CDH20: variants seen among roughly 807,000 people sequenced by gnomAD.
CDH20 encodes cadherin 20.
A neutral mutation model predicts 74.2 loss-of-function variants in CDH20; 29 were observed. The observed-to-expected ratio is 0.39, with a 90% CI of 0.29 to 0.53. The LOEUF is 0.53. CDH20 is among the 20% of genes least tolerant of loss of function. CDH20 has a pLI of 0.69. For synonymous variants in CDH20, 469 were observed against 405.4 expected (o/e 1.16, Z -1.88); for missense variants, 988 against 1,048.3 (o/e 0.94, Z 0.79).
At chr18:61,451,805 C>A (rs1365604651) in intron 1 of CDH20, among the ~76,000 whole-genome samples, 3 of 151,916 alleles carry the variant, frequency 2.0e-5, no homozygotes, top group Non-Finnish European at 2.9e-5. Flanking sequence ...AGTTTACATA[C>A]TTTTTCAGAG....
chr18:61,520,969 T>G (rs1359241392), intron 6 of CDH20, among the ~76,000 whole-genome samples: 3 of 151,058 alleles, frequency 2.0e-5, no homozygotes, highest in Non-Finnish European at 4.4e-5. Flanking sequence ...CAGGAGAAAG[T>G]GGGAAAGATC....
At chr18:61,346,558 A>C (rs1290159553) in intron 1 of CDH20, among the ~76,000 whole-genome samples, 1 of 152,222 alleles carries the variant, frequency 6.6e-6, no homozygotes, top group Non-Finnish European at 1.5e-5. Flanking sequence ...GAGAGTAAGT[A>C]GAATTTTCAA....
At chr18:61,395,123 T>C (rs1242089459) in intron 1 of CDH20, among the ~76,000 whole-genome samples, 2 of 152,048 alleles carry the variant, frequency 1.3e-5, no homozygotes, top group Non-Finnish European at 2.9e-5. Context: ...TTTCACACTG[T>C]ACCCTCTGCT....
At chr18:61,463,168 C>T (rs1394116681) in intron 1 of CDH20, among the ~76,000 whole-genome samples, 1 of 152,102 alleles carries the variant, frequency 6.6e-6, no homozygotes, top group Non-Finnish European at 1.5e-5. Context: ...CCCTTTTCCC[C>T]TCTGGGATCC....
chr18:61,473,499 T>C (rs1269210686), intron 1 of CDH20, among the ~76,000 whole-genome samples: 1 of 151,992 alleles, frequency 6.6e-6, no homozygotes, highest in Non-Finnish European at 1.5e-5. Context: ...TTAGTTACTA[T>C]ATGGAAAAGA....
intron 9 of CDH20, among the ~76,000 whole-genome samples, chr18:61,539,648 A>G (rs528751611): frequency 2.6e-5 from 4 of 151,980 alleles, no homozygotes; most frequent in African/African-American, 9.6e-5. Flanking sequence ...GGAAAAAGCT[A>G]CTCTTTTCCC....
chr18:61,553,463 G>A (rs1473875622), intron 11 of CDH20, among the ~76,000 whole-genome samples: 1 of 152,160 alleles, frequency 6.6e-6, no homozygotes, highest in Non-Finnish European at 1.5e-5. Flanking sequence ...ACAGTGTGGT[G>A]TTTCTTTGAT....
chr18:61,400,401 C>A (rs760303330), intron 1 of CDH20, among the ~76,000 whole-genome samples: 2 of 152,180 alleles, frequency 1.3e-5, no homozygotes, highest in Non-Finnish European at 2.9e-5. Context: ...AAAATTCATT[C>A]TTTTCTTCAG....
chr18:61,541,182 T>C (rs906686418), intron 9 of CDH20, among the ~76,000 whole-genome samples: 1 of 152,112 alleles, frequency 6.6e-6, no homozygotes. Context: ...TGAACAATGA[T>C]CGAGAGGGAA....
chr18:61,462,926 G>T (rs1275597558), intron 1 of CDH20, among the ~76,000 whole-genome samples: 1 of 152,140 alleles, frequency 6.6e-6, no homozygotes, highest in Non-Finnish European at 1.5e-5. Context: ...AAATAATTTA[G>T]CATGGCAATT....
At chr18:61,494,382 C>A (rs1451902564) in intron 2 of CDH20, among the ~76,000 whole-genome samples, 3 of 152,148 alleles carry the variant, frequency 2.0e-5, no homozygotes, top group Non-Finnish European at 4.4e-5. Flanking sequence ...AGTGCTCGCC[C>A]TTTCCAAATA....
rs116379595 is a variant in CDH20 at position 61,405,308 on chromosome 18, T to A, written c.-153+71481T>A. 1.8e-3 allele frequency: 506 copies of A among 279,294 alleles called. 2 individuals carry two copies. Among genetic ancestry groups the A allele is most frequent in the African/African-American group, 0.011 (474 of 43,488 alleles). 17.3% of individuals were successfully genotyped at this position (279,294 alleles called of 1,614,324 possible). On this transcript the variant is annotated intron_variant, in intron 1 of 11. Transcript: ENST00000262717. ...CAACTCTTAAAAGACTGATATAGGG[T>A]TGGGTTTGGTGGCTCATGCCTTTGA...
intron 10 of CDH20, among the ~76,000 whole-genome samples, chr18:61,548,565 T>G (rs567073664): frequency 9.8e-5 from 15 of 152,302 alleles, no homozygotes; most frequent in African/African-American, 3.6e-4. Flanking sequence ...AATTAAGGGG[T>G]AATGTGTTAC....
chr18:61,468,533 T>TGA (rs1282520381), intron 1 of CDH20, among the ~76,000 whole-genome samples: 1 of 152,240 alleles, frequency 6.6e-6, no homozygotes. Context: ...TATTTAATGC[T>TGA]GAGAGACTTT....
intron 10 of CDH20, among the ~76,000 whole-genome samples, chr18:61,545,483 T>C (rs1285208078): frequency 1.3e-5 from 2 of 152,004 alleles, no homozygotes; most frequent in Non-Finnish European, 2.9e-5. Flanking sequence ...ACTCATTCAG[T>C]CAGTAAGTCG....
rs1912906859 is a variant in CDH20 at position 61,538,612 on chromosome 18, TTGTTTTTGTTTTG to T, written c.1409-410_1409-398del. ...TGTTTGTTTGTTTTTGTTTTTGTTT[TTGTTTTTGTTTTG>T]TTTTTTTTTTTGAGACGGAGTCTTA... On this transcript the variant is annotated intron_variant, in intron 8 of 11. Coordinates refer to ENST00000262717, the MANE Select transcript of CDH20 (RefSeq NM_031891.4). 6.1e-4 allele frequency among the ~76,000 whole-genome samples: 27 copies of T among 44,302 alleles called. 5 individuals are homozygous for T. The highest frequency in any genetic ancestry group is 1.4e-3 in the South Asian group (1 of 692). 29.1% of individuals were successfully genotyped at this position (44,302 alleles called of 152,430 possible).
At chr18:61,481,533 A>G (rs1262406919) in intron 1 of CDH20, among the ~76,000 whole-genome samples, 2 of 152,172 alleles carry the variant, frequency 1.3e-5, no homozygotes, top group Non-Finnish European at 2.9e-5. Context: ...ACAAGGTTTT[A>G]CTTTCCTTCA....
At chr18:61,403,744 C>A (rs570587754) in intron 1 of CDH20, among the ~76,000 whole-genome samples, 1 of 152,292 alleles carries the variant, frequency 6.6e-6, no homozygotes, top group East Asian at 1.9e-4. Context: ...TTTGAACCAA[C>A]AATCCCATTA....
Position 61,454,027 on chromosome 18 carries a change from T to C in CDH20, c.-152-36375T>C, listed in dbSNP as rs1287558982. Among the ~76,000 whole-genome samples the C allele has an allele frequency of 4.6e-5, 7 of 152,180 alleles. No individual in the cohort carries two copies. The East Asian group carries it at 1.4e-3, about 29-fold the overall frequency. Reference sequence around the variant, plus strand: ...ATTGGTGTATGGCACTATGTCATAGTGGCTTTAATTTGCATTTCTCTAATG... The same window carrying C: ...ATTGGTGTATGGCACTATGTCATAGCGGCTTTAATTTGCATTTCTCTAATG... On this transcript the variant is annotated intron_variant, in intron 1 of 11. Coordinates refer to ENST00000262717, the MANE Select transcript of CDH20 (RefSeq NM_031891.4).
Sources: gnomAD v4.1 joint callset for allele counts (sites outside exome capture counted in the v4.1 genomes callset) on GRCh38, gnomAD v4.1.1 for gene constraint, MANE v1.5 for transcripts, NCBI Gene and HGNC (gene_info 2026-07-23, HGNC 2026-07-21) for gene names.